Variants in PLEKHA7 observed in about 807,000 individuals in gnomAD.
PLEKHA7 encodes pleckstrin homology domain containing A7.
PLEKHA7 carries 104 observed loss-of-function variants against 170.0 expected under a neutral mutation model. The ratio of observed to expected loss-of-function variants is 0.61; its 90% CI spans 0.52 to 0.72. The LOEUF is 0.72. Ranked by LOEUF, PLEKHA7 falls within the 30% of genes least tolerant of loss-of-function variation. The pLI, the probability that PLEKHA7 is intolerant of heterozygous loss-of-function variation, is 0.00. For synonymous variants in PLEKHA7, 648 were observed against 660.8 expected (o/e 0.98, Z 0.30); for missense variants, 1,615 against 1,671.7 (o/e 0.97, Z 0.59).
At chr11:16,862,090 C>G (rs1360666497) in intron 4 of PLEKHA7, among the ~76,000 whole-genome samples, 1 of 152,288 alleles carries the variant, frequency 6.6e-6, no homozygotes, top group East Asian at 1.9e-4. Flanking sequence ...CTGTCTGACA[C>G]GGGTTTTCAT....
At chr11:16,794,853 C>G in intron 18 of PLEKHA7, 57 bp downstream of exon 18, 1 of 1,524,624 alleles carries the variant, frequency 6.6e-7, no homozygotes, top group Non-Finnish European at 9.1e-7. Context: ...GCCTTCCACC[C>G]TCCCACCACC....
intron 3 of PLEKHA7, among the ~76,000 whole-genome samples, chr11:16,889,117 G>C (rs1458476850): frequency 6.6e-6 from 1 of 151,302 alleles, no homozygotes; most frequent in East Asian, 1.9e-4. Flanking sequence ...TGCCTTAACT[G>C]ATTAACCAAC....
chr11:16,978,697 G>A (rs777633584), intron 3 of PLEKHA7, among the ~76,000 whole-genome samples: 22 of 152,198 alleles, frequency 1.4e-4, no homozygotes, highest in Non-Finnish European at 2.6e-4. Context: ...GAACATCCCT[G>A]TATGCATACC....
chr11:16,850,899 G>C (rs1006885899), intron 8 of PLEKHA7, among the ~76,000 whole-genome samples: 1 of 152,136 alleles, frequency 6.6e-6, no homozygotes. Context: ...GGCTGAGTAC[G>C]GTGATAAGAC....
Position 16,802,640 on chromosome 11 carries a change from C to A in PLEKHA7, c.2157+332G>T, listed in dbSNP as rs557892257. Among the ~76,000 whole-genome samples the A allele has an allele frequency of 3.9e-5, 6 of 152,174 alleles. No homozygotes were observed. The South Asian group carries it at 1.2e-3, about 32-fold the overall frequency. On this transcript the variant is annotated intron_variant, in intron 15 of 26. Transcript: ENST00000531066. ...TCGGCTCACTGCAACCTCTGCCTCC[C>A]GGGTTCAAGCAATTCTTCTGCCTCA...
chr11:16,943,962 G>A (rs1860854705), intron 3 of PLEKHA7, among the ~76,000 whole-genome samples: 1 of 152,188 alleles, frequency 6.6e-6, no homozygotes, highest in Non-Finnish European at 1.5e-5. Context: ...TTAGGGGATG[G>A]GAAGAAAGGT....
chr11:16,910,426 T>C (rs1271237968), intron 3 of PLEKHA7, among the ~76,000 whole-genome samples: 1 of 152,230 alleles, frequency 6.6e-6, no homozygotes, highest in African/African-American at 2.4e-5. Context: ...TTATATTCAG[T>C]GTGACTTCAT....
intron 9 of PLEKHA7, among the ~76,000 whole-genome samples, chr11:16,834,429 C>A (rs1434978173): frequency 6.6e-6 from 1 of 152,068 alleles, no homozygotes; most frequent in Admixed American, 6.6e-5. Context: ...AGAGATGAAC[C>A]AAAGGTGTTT....
intron 13 of PLEKHA7, among the ~76,000 whole-genome samples, chr11:16,807,707 C>T (rs1488620539): frequency 6.6e-6 from 1 of 152,210 alleles, no homozygotes; most frequent in Non-Finnish European, 1.5e-5. Flanking sequence ...ATGATTATGT[C>T]TTACCCATGG....
At chr11:16,843,463 A>C (rs1852128766) in intron 8 of PLEKHA7, among the ~76,000 whole-genome samples, 1 of 152,276 alleles carries the variant, frequency 6.6e-6, no homozygotes, top group Non-Finnish European at 1.5e-5. Flanking sequence ...CCTGCTTCTG[A>C]CATTTACATA....
intron 3 of PLEKHA7, among the ~76,000 whole-genome samples, chr11:16,979,586 TA>T: frequency 6.6e-6 from 1 of 152,294 alleles, no homozygotes; most frequent in African/African-American, 2.4e-5. Flanking sequence ...TCCCTGAAAC[TA>T]AAATTTTCCA....
chr11:16,964,759 G>A (rs915304926), intron 3 of PLEKHA7, among the ~76,000 whole-genome samples: 3 of 152,200 alleles, frequency 2.0e-5, no homozygotes, highest in African/African-American at 4.8e-5. Flanking sequence ...TGCAGTAATA[G>A]AGCATTCCTT....
At chr11:16,840,281 C>T (rs1851847730) in intron 9 of PLEKHA7, among the ~76,000 whole-genome samples, 1 of 152,194 alleles carries the variant, frequency 6.6e-6, no homozygotes, top group African/African-American at 2.4e-5. Context: ...TAAAGACAGG[C>T]CGGGCGTGGT....
At chr11:16,933,358 AG>A (rs1328951111) in intron 3 of PLEKHA7, among the ~76,000 whole-genome samples, 3 of 152,206 alleles carry the variant, frequency 2.0e-5, no homozygotes, top group African/African-American at 7.2e-5. Context: ...GGGGAAAAGC[AG>A]GGAGATGAGC....
In PLEKHA7 at chr11:16,865,477, G is replaced by A. The variant is rs561631596; in HGVS notation, c.305+5622C>T. Reference sequence around the variant, plus strand: ...GGTGGCTCATGCCTATAATCCCAGCGCTTTGGGAGGCTGAGGCAGATGGAC... The same window carrying A: ...GGTGGCTCATGCCTATAATCCCAGCACTTTGGGAGGCTGAGGCAGATGGAC... On this transcript the variant is annotated intron_variant, in intron 4 of 26. Coordinates refer to ENST00000531066, the MANE Select transcript of PLEKHA7 (RefSeq NM_001329630.2). 3.9e-5 allele frequency among the ~76,000 whole-genome samples: 6 copies of A among 152,240 alleles called. No homozygotes were observed. The East Asian group carries it at 7.8e-4, about 20-fold the overall frequency.
chr11:16,797,086 A>G (rs1423946704), intron 17 of PLEKHA7, among the ~76,000 whole-genome samples: 1 of 152,258 alleles, frequency 6.6e-6, no homozygotes, highest in Admixed American at 6.5e-5. Context: ...AAAAAAATAC[A>G]TATCTACATA....
intron 26 of PLEKHA7, among the ~76,000 whole-genome samples, chr11:16,781,363 C>G (rs1564896606): frequency 6.6e-6 from 1 of 152,274 alleles, no homozygotes; most frequent in East Asian, 1.9e-4. Context: ...GCTGGGAGCG[C>G]TCATCTGCTG....
Position 16,851,230 on chromosome 11 carries a change from C to T in PLEKHA7, c.657G>A (p.Val219=). The part of the protein sequence containing the change: ...IPLPSYVISP[V]APEDRISRKY... ...TGCGGCTTATGCGATCCTCAGGGGC[C>T]ACAGGAGAGATCACGTAGCTGGGCA... Residue 219 remains valine (V), a synonymous_variant, in exon 8 of 27, where the codon GTG becomes GTA. Transcript: ENST00000531066. The T allele has an allele frequency of 6.2e-7, 1 of 1,611,806 alleles. No homozygotes were observed. The highest frequency in any genetic ancestry group is 8.5e-7 in the Non-Finnish European group (1 of 1,178,968).
At chr11:16,808,880 T>C (rs1849167591) in intron 13 of PLEKHA7, among the ~76,000 whole-genome samples, 1 of 152,194 alleles carries the variant, frequency 6.6e-6, no homozygotes, top group Non-Finnish European at 1.5e-5. Context: ...GTGTGATGCA[T>C]GGACGAAAGA....
Sources: gnomAD v4.1 joint callset for allele counts (sites outside exome capture counted in the v4.1 genomes callset) on GRCh38, gnomAD v4.1.1 for gene constraint, MANE v1.5 for transcripts, NCBI Gene and HGNC (gene_info 2026-07-23, HGNC 2026-07-21) for gene names.